The following PKIB variants were observed in gnomAD, a reference collection of about 807,000 sequenced individuals.
PKIB encodes PKI-beta.
Under a neutral mutation model 4.5 loss-of-function variants are expected in PKIB, and 2 were observed. That is an observed-to-expected ratio of 0.44 (90% confidence interval 0.18 to 1.39). The LOEUF is 1.39. Ranked by LOEUF, PKIB falls within the 40% of genes most tolerant of loss-of-function variation. PKIB has a pLI of 0.27. For synonymous variants in PKIB, 38 were observed against 36.0 expected, an observed-to-expected ratio of 1.06 and a Z score of -0.20; for missense variants, 94 against 92.6, an observed-to-expected ratio of 1.02 and a Z score of -0.06.
At chr6:122,596,705 C>T (rs1774188794) in intron 3 of PKIB, among the ~76,000 whole-genome samples, 1 of 151,968 alleles carries the variant, frequency 6.6e-6, no homozygotes, top group African/African-American at 2.4e-5. Context: ...TCCTGGAGGC[C>T]TTCACTGTGA....
chr6:122,607,302 C>T (rs999546470), upstream of PKIB, among the ~76,000 whole-genome samples: 9 of 151,544 alleles, frequency 5.9e-5, no homozygotes, highest in Non-Finnish European at 1.0e-4. Flanking sequence ...AGCAAAACCC[C>T]GTCTCTACAA....
intron 2 of PKIB, among the ~76,000 whole-genome samples, chr6:122,530,583 G>A (rs1480061420): frequency 6.6e-6 from 1 of 152,108 alleles, no homozygotes; most frequent in Non-Finnish European, 1.5e-5. Flanking sequence ...AAGCAGGGAA[G>A]ACTTTGCCTA....
chr6:122,560,143 A>AT (rs1474977459), intron 2 of PKIB, among the ~76,000 whole-genome samples: 1 of 151,840 alleles, frequency 6.6e-6, no homozygotes, highest in Non-Finnish European at 1.5e-5. Flanking sequence ...AATGCTTTCA[A>AT]TTTTTCCCCA....
At chr6:122,526,540 C>A (rs1777096560) in intron 2 of PKIB, among the ~76,000 whole-genome samples, 4 of 152,078 alleles carry the variant, frequency 2.6e-5, no homozygotes, top group Admixed American at 6.6e-5. Flanking sequence ...CATAAAAGCT[C>A]TTAGATGACT....
At chr6:122,707,088 T>G (rs1408252959) in intron 3 of PKIB, among the ~76,000 whole-genome samples, 2 of 152,154 alleles carry the variant, frequency 1.3e-5, no homozygotes, top group Non-Finnish European at 2.9e-5. Context: ...ATTTAAATAA[T>G]GCTACTTCTA....
At chr6:122,652,166 G>A (rs1253602900) in intron 2 of PKIB, among the ~76,000 whole-genome samples, 4 of 152,056 alleles carry the variant, frequency 2.6e-5, no homozygotes, top group Non-Finnish European at 5.9e-5. Flanking sequence ...AAATCTGTAT[G>A]GGTCAGTCAG....
intron 3 of PKIB, among the ~76,000 whole-genome samples, chr6:122,680,178 G>A (rs991235371): frequency 2.6e-5 from 4 of 152,206 alleles, no homozygotes; most frequent in African/African-American, 9.6e-5. Flanking sequence ...TATTTAACAT[G>A]AATACATAGG....
At chr6:122,539,761 A>C (rs1455470895) in intron 2 of PKIB, among the ~76,000 whole-genome samples, 1 of 152,054 alleles carries the variant, frequency 6.6e-6, no homozygotes, top group Non-Finnish European at 1.5e-5. Flanking sequence ...GAATGGTACC[A>C]GCTCCTCCTT....
chr6:122,576,689 A>AAAATAAAT (rs1345822382), intron 2 of PKIB, among the ~76,000 whole-genome samples: 1 of 34,316 alleles, frequency 2.9e-5, no homozygotes, highest in African/African-American at 1.3e-4. Context: ...AAAAAAAAAA[A>AAAATAAAT]ATATATATAT....
Position 122,626,602 on chromosome 6 carries a change from G to T in PKIB, c.-160-6681G>T, listed in dbSNP as rs9490504. ...TTAAGGATGGCCCACAGCCTTCCAG[G>T]AAGAGCAAAAGGAAATGTGCATTCT... On this transcript the variant is annotated intron_variant, in intron 1 of 4. Transcript: ENST00000368452. Among the ~76,000 whole-genome samples the T allele has an allele frequency of 5.2e-3, 786 of 152,298 alleles. 12 individuals are homozygous for T. The highest frequency in any genetic ancestry group is 0.018 in the African/African-American group (746 of 41,574).
intron 2 of PKIB, among the ~76,000 whole-genome samples, chr6:122,519,347 G>C (rs1289477199): frequency 6.6e-6 from 1 of 152,052 alleles, no homozygotes; most frequent in African/African-American, 2.4e-5. Context: ...CCTATATTAT[G>C]ATGAGTTGTA....
intron 2 of PKIB, among the ~76,000 whole-genome samples, chr6:122,557,477 C>T (rs1392189048): frequency 2.0e-5 from 3 of 152,114 alleles, no homozygotes; most frequent in Non-Finnish European, 2.9e-5. Context: ...ATCTTTTTCC[C>T]TGTAAGATTG....
At chr6:122,690,914 G>GGA (rs1489916455) in intron 3 of PKIB, among the ~76,000 whole-genome samples, 1 of 37,526 alleles carries the variant, frequency 2.7e-5, no homozygotes, top group African/African-American at 1.2e-4. Flanking sequence ...CATGCTTGAA[G>GGA]GATATATATA....
chr6:122,711,368 G>A lies in PKIB; in HGVS notation c.-8-6419G>A, dbSNP rs117843134. Among the ~76,000 whole-genome samples the A allele has an allele frequency of 1.2e-3, 179 of 152,232 alleles. 4 individuals are homozygous for A. In the East Asian group the frequency reaches 0.018, roughly 15 times the overall value. On this transcript the variant is annotated intron_variant, in intron 3 of 4. Coordinates refer to ENST00000368452, the MANE Select transcript of PKIB (RefSeq NM_181795.3). ...ACCGCCTAAACTTAGGAAAGACTTT[G>A]ACACAAATTAAGCTATGTTATATTG...
intron 2 of PKIB, among the ~76,000 whole-genome samples, chr6:122,641,204 A>G (rs1348096623): frequency 6.6e-6 from 1 of 152,206 alleles, no homozygotes; most frequent in Non-Finnish European, 1.5e-5. Context: ...CAAAAATAAT[A>G]TCACACTTCT....
chr6:122,595,088 G>C (rs1485484234), intron 3 of PKIB, among the ~76,000 whole-genome samples: 2 of 152,154 alleles, frequency 1.3e-5, no homozygotes, highest in African/African-American at 4.8e-5. Context: ...TAATGTTGCG[G>C]GAACAGGAAG....
At chr6:122,629,291 A>G (rs573985465) in intron 1 of PKIB, among the ~76,000 whole-genome samples, 2 of 152,212 alleles carry the variant, frequency 1.3e-5, no homozygotes, top group Admixed American at 1.3e-4. Context: ...GAAAAGTACT[A>G]CAGGCGCCAA....
intron 2 of PKIB, among the ~76,000 whole-genome samples, chr6:122,639,477 C>G (rs993114422): frequency 7.2e-5 from 11 of 152,186 alleles, no homozygotes; most frequent in African/African-American, 2.7e-4. Context: ...ACCCTGTGCC[C>G]TGCACTGTTG....
intron 2 of PKIB, among the ~76,000 whole-genome samples, chr6:122,560,978 T>C (rs1325195831): frequency 6.6e-6 from 1 of 152,058 alleles, no homozygotes; most frequent in African/African-American, 2.4e-5. Flanking sequence ...TTTATTTATC[T>C]TTTCAAAGAA....
Sources: gnomAD v4.1 joint callset for allele counts (sites outside exome capture counted in the v4.1 genomes callset) on GRCh38, gnomAD v4.1.1 for gene constraint, MANE v1.5 for transcripts, NCBI Gene and HGNC (gene_info 2026-07-23, HGNC 2026-07-21) for gene names.